HIP1R: variants seen among roughly 807,000 people sequenced by gnomAD.
HIP1R encodes huntingtin-interacting protein 1-related protein.
Under a neutral mutation model 144.2 loss-of-function variants are expected in HIP1R, and 135 were observed. The observed-to-expected ratio is 0.94, with a 90% CI of 0.81 to 1.08. The LOEUF (loss-of-function observed/expected upper bound fraction) is 1.08. HIP1R is among the 50% of genes least tolerant of loss of function. The pLI is 0.00. For synonymous variants in HIP1R, 698 were observed against 612.8 expected, an observed-to-expected ratio of 1.14 and a Z score of -2.05; for missense variants, 1,462 against 1,432.8, an observed-to-expected ratio of 1.02 and a Z score of -0.33.
At position 122,860,464 on chromosome 12, in the gene HIP1R, C is replaced by A. The variant is rs749792541; in HGVS notation, c.2601C>A (p.Arg867=). 3 of 1,613,414 alleles carry A rather than the reference C, an allele frequency of 1.9e-6. No individual in the cohort carries two copies. In the Admixed American group the frequency reaches 5.0e-5, roughly 27 times the overall value. Residue 867 remains arginine, a synonymous_variant, in exon 27 of 32, where the codon CGC becomes CGA. Transcript: ENST00000253083. ...AGGAATTTTACGCCAAGAACTCGCG[C>A]TGGACCGAAGGCCTCATCTCGGCCT... ...TQQEFYAKNS[R]WTEGLISASK... is the part of the protein sequence containing the mutation.
chr12:122,835,057 T>A (rs535102258), upstream of HIP1R: 1 of 1,212,218 alleles, frequency 8.2e-7, no homozygotes, highest in East Asian at 5.8e-5. Context: ...GTCCCTACCC[T>A]GGGTGGAAGG....
intron 2 of HIP1R, 68 bp from the exon 3 acceptor site, chr12:122,848,398 C>G: frequency 2.6e-6 from 4 of 1,548,996 alleles, no homozygotes; most frequent in Non-Finnish European, 3.5e-6. Flanking sequence ...GCCCTGGCCT[C>G]TCTCAGCCGG....
upstream of HIP1R, chr12:122,835,076 G>A (rs2032830248): frequency 2.7e-6 from 3 of 1,128,614 alleles, no homozygotes. Flanking sequence ...GGAGGAGGGA[G>A]GGGTTCCCCC....
chr12:122,850,424 C>G, intron 5 of HIP1R: 1 of 269,928 alleles, frequency 3.7e-6, no homozygotes. Context: ...GGGGGGCCCC[C>G]TGGTTCGGTG....
chr12:122,842,371 G>A (rs2033081072), intron 1 of HIP1R, among the ~76,000 whole-genome samples: 1 of 152,222 alleles, frequency 6.6e-6, no homozygotes, highest in Non-Finnish European at 1.5e-5. Flanking sequence ...AGCTCTAGTG[G>A]ATAAATTATT....
At chr12:122,851,927 T>C (rs1333350416) in intron 7 of HIP1R, among the ~76,000 whole-genome samples, 1 of 152,194 alleles carries the variant, frequency 6.6e-6, no homozygotes, top group Non-Finnish European at 1.5e-5. Context: ...TTGGGCCATC[T>C]GCAGAGCCCA....
At chr12:122,848,273 T>C (rs1026981397) in intron 2 of HIP1R, among the ~76,000 whole-genome samples, 179 bp downstream of exon 2, 4 of 152,208 alleles carry the variant, frequency 2.6e-5, no homozygotes, top group African/African-American at 4.8e-5. Flanking sequence ...AACGCCCCCA[T>C]TGGGCCCAAT....
rs545043313 is a variant in HIP1R, at chr12:122,835,647, A to AGCGGGCG, written c.93+30_93+36dup. On this transcript the variant is annotated splice_donor_region_variant and intron_variant, in intron 1 of 31. Transcript: ENST00000253083. The stretch of plus-strand genomic sequence containing the variant: ...CGAGCAGTTCGACAAGACCCAGGCG[A>AGCGGGCG]GCGGGCGGCGGGCGGCGGGCGGCGG... The AGCGGGCG allele has an allele frequency of 1.7e-3, 1,847 of 1,075,722 alleles. 13 individuals carry two copies. The highest frequency in any genetic ancestry group is 0.012 in the South Asian group (331 of 28,374). The allele number at this position is 1,075,722 out of a possible 1,614,324, so 66.6% of individuals were successfully genotyped here. A position where few individuals can be genotyped will look rare whatever the true frequency, so the allele number is the denominator to read the frequency against.
At position 122,836,882 on chromosome 12, in the gene HIP1R, T is replaced by G. The variant is rs1376400231; in HGVS notation, c.93+1239T>G. On this transcript the variant is annotated intron_variant, in intron 1 of 31. Transcript: ENST00000253083. The surrounding 1 kb of genome is among the most constrained non-coding windows in gnomAD (Gnocchi z 4.1). The stretch of plus-strand genomic sequence containing the variant: ...GATTGACCCAGAAAGCGATAATAAA[T>G]CCTGAGGATATCAAGGCTTTAGAAA... 2.0e-5 allele frequency among the ~76,000 whole-genome samples: 3 copies of G among 152,118 alleles called. No individual in the cohort carries two copies. Among genetic ancestry groups the G allele is most frequent in the African/African-American group, 7.2e-5 (3 of 41,412 alleles).
Position 122,856,228 on chromosome 12 carries a change from G to T in HIP1R, c.1313-28G>T, listed in dbSNP as rs551341929. 6 of 1,613,194 alleles carry T rather than the reference G, an allele frequency of 3.7e-6. No homozygotes were observed. The African/African-American group carries it at 5.3e-5, about 14-fold the overall frequency. On this transcript the variant is annotated intron_variant, in intron 14 of 31. Coordinates refer to ENST00000253083, the MANE Select transcript of HIP1R (RefSeq NM_003959.3). The stretch of plus-strand genomic sequence containing the variant: ...CCCAGCCCCTGCCACCCCACACGGG[G>T]CATCACTGCCCCTCCTCTCGCCCCC...
chr12:122,854,832 A>T, intron 8 of HIP1R, 73 bp from the exon 9 acceptor site: 1 of 1,476,454 alleles, frequency 6.8e-7, no homozygotes, highest in Non-Finnish European at 9.4e-7. Context: ...TAGCATACGG[A>T]GGAACAAGGC....
intron 1 of HIP1R, among the ~76,000 whole-genome samples, chr12:122,843,237 T>C (rs1195920382): frequency 6.6e-6 from 1 of 152,214 alleles, no homozygotes; most frequent in Non-Finnish European, 1.5e-5. Flanking sequence ...CAGGGCCGCC[T>C]GGGAGGGGCC....
Position 122,855,722 on chromosome 12 carries a change from G to A in HIP1R, c.1056-109G>A, listed in dbSNP as rs548585933. On this transcript the variant is annotated intron_variant, in intron 12 of 31. Coordinates refer to ENST00000253083, the MANE Select transcript of HIP1R (RefSeq NM_003959.3). ...GGCCATAGGTGGGGAACATGAACCC[G>A]TGAGGTGCCCAAATCCTGAGTGGCC... 142 of 1,502,142 alleles carry A rather than the reference G, an allele frequency of 9.5e-5. No individual in the cohort carries two copies. In the Middle Eastern group the frequency reaches 4.5e-3, roughly 48 times the overall value. 93.1% of individuals were successfully genotyped at this position (1,502,142 alleles called of 1,614,324 possible).
At position 122,860,498 on chromosome 12, in the gene HIP1R, G is replaced by T; in HGVS notation, c.2635G>T (p.Val879Leu). The change falls in exon 27 of 32, where the codon GTG becomes TTG. Residue 879 changes from valine to leucine, a missense_variant. By Grantham distance (32) the Val-to-Leu change is conservative. Transcript: ENST00000253083. Reference sequence around the variant, plus strand: ...AGGCCTCATCTCGGCCTCCAAGGCTGTGGGCTGGGGAGCCACACAGCTGGT... The same window carrying T: ...AGGCCTCATCTCGGCCTCCAAGGCTTTGGGCTGGGGAGCCACACAGCTGGT... ...TEGLISASKA[V>L]GWGATQLVEA... The T allele has an allele frequency of 1.9e-6, 3 of 1,612,960 alleles. No homozygotes were observed. The highest frequency in any genetic ancestry group is 2.5e-6 in the Non-Finnish European group (3 of 1,179,896).
rs1230116198 is a variant in HIP1R at position 122,855,821 on chromosome 12, C to T, written c.1056-10C>T. On this transcript the variant is annotated splice_polypyrimidine_tract_variant and intron_variant, in intron 12 of 31. Transcript: ENST00000253083. Reference sequence around the variant, plus strand: ...TGACTTAACTTGAACCCCAGGACCTCTGTCCCCAGGGACCTCCAGATTGAG... The same window carrying T: ...TGACTTAACTTGAACCCCAGGACCTTTGTCCCCAGGGACCTCCAGATTGAG... 1.0e-5 allele frequency: 16 copies of T among 1,558,184 alleles called. No homozygotes were observed. Among genetic ancestry groups the T allele is most frequent in the East Asian group, 7.2e-5 (3 of 41,736 alleles).
chr12:122,851,323 G>T, intron 7 of HIP1R, 26 bp downstream of exon 7: 1 of 1,513,438 alleles, frequency 6.6e-7, no homozygotes, highest in South Asian at 1.3e-5. Context: ...GGGATGCGGG[G>T]GTCTGAGTGT....
At chr12:122,849,531 G>C (rs1410181253) in intron 4 of HIP1R, among the ~76,000 whole-genome samples, 1 of 152,276 alleles carries the variant, frequency 6.6e-6, no homozygotes, top group East Asian at 1.9e-4. Flanking sequence ...CCCGGCCGCA[G>C]GGGCCGTGGG....
upstream of HIP1R, chr12:122,834,935 C>T (rs2032826635): frequency 1.6e-6 from 2 of 1,289,184 alleles, no homozygotes; most frequent in African/African-American, 1.5e-5. Flanking sequence ...ATCTGTGCTG[C>T]CACCGACCAG....
At chr12:122,842,387 GAGA>G (rs2033081377) in intron 1 of HIP1R, among the ~76,000 whole-genome samples, 1 of 152,174 alleles carries the variant, frequency 6.6e-6, no homozygotes, top group Admixed American at 6.6e-5. Context: ...TTATTAGCTG[GAGA>G]AGGAGAGACT....
Sources: allele counts gnomAD v4.1 joint callset (sites outside exome capture counted in the v4.1 genomes callset), GRCh38; gene constraint gnomAD v4.1.1; non-coding constraint Gnocchi (gnomAD v3.1); transcripts MANE v1.5; gene names NCBI Gene and HGNC (gene_info 2026-07-23, HGNC 2026-07-21).